SASH1: variants seen among roughly 807,000 people sequenced by gnomAD.
The protein encoded by SASH1 is SAM and SH3 domain-containing protein 1.
SASH1 carries 44 observed loss-of-function variants against 125.2 expected under a neutral mutation model. That is an observed-to-expected ratio of 0.35 (90% confidence interval 0.28 to 0.45). SASH1 has a LOEUF of 0.45. Ranked by LOEUF, SASH1 falls within the 20% of genes least tolerant of loss-of-function variation. The pLI, the probability that SASH1 is intolerant of heterozygous loss-of-function variation, is 1.00. For missense variants in SASH1, 1,426 were observed against 1,614.5 expected (o/e 0.88, Z 2.00); for synonymous variants, 639 against 649.1 (o/e 0.98, Z 0.24).
At chr6:148,381,626 T>C (rs901063298) in intron 1 of SASH1, among the ~76,000 whole-genome samples, 3 of 114,576 alleles carry the variant, frequency 2.6e-5, no homozygotes, top group African/African-American at 3.7e-5. Flanking sequence ...TCTTTTTTTT[T>C]TTTTTTTTTT....
chr6:148,305,876 G>A (rs1387942656), intron 1 of SASH1, among the ~76,000 whole-genome samples: 1 of 152,112 alleles, frequency 6.6e-6, no homozygotes, highest in Non-Finnish European at 1.5e-5. Flanking sequence ...TGTTAAATCA[G>A]GTACCAGAAC....
rs1463210705 is a variant in SASH1, at chr6:148,443,164, AAAT to A, written c.386+2758_386+2760del. 1.2e-3 allele frequency among the ~76,000 whole-genome samples: 161 copies of A among 129,494 alleles called. 2 individuals are homozygous for A. The highest frequency in any genetic ancestry group is 0.012 in the Middle Eastern group (3 of 254). The allele number at this position is 129,494 out of a possible 152,430, so 85.0% of individuals were successfully genotyped here. On this transcript the variant is annotated intron_variant, in intron 4 of 19. Transcript: ENST00000367467. ...TTTAGAAAAAAAAAAAAAAAAAAAAAAATGGCTCACGGCATGTTGGTGTCACGT... is the reference window on the plus strand; with the variant it reads ...TTTAGAAAAAAAAAAAAAAAAAAAAAGGCTCACGGCATGTTGGTGTCACGT...
intron 2 of SASH1, among the ~76,000 whole-genome samples, chr6:148,436,290 A>G (rs1776288154): frequency 6.6e-6 from 1 of 152,136 alleles, no homozygotes; most frequent in East Asian, 1.9e-4. Flanking sequence ...CAGGAGTTCG[A>G]GACCAGCCTG....
At chr6:148,290,979 G>T (rs797008767) in intron 1 of SASH1, among the ~76,000 whole-genome samples, 9 of 147,526 alleles carry the variant, frequency 6.1e-5, no homozygotes, top group African/African-American at 2.2e-4. Flanking sequence ...CTTAATGCCT[G>T]CATTCTTCCA....
At chr6:148,408,006 G>A (rs983794328) in intron 2 of SASH1, among the ~76,000 whole-genome samples, 1 of 152,056 alleles carries the variant, frequency 6.6e-6, no homozygotes, top group Non-Finnish European at 1.5e-5. Flanking sequence ...GGGAACAGGG[G>A]TTCTAATTTC....
intron 1 of SASH1, among the ~76,000 whole-genome samples, chr6:148,344,451 C>T (rs995445705): frequency 5.3e-5 from 8 of 152,140 alleles, no homozygotes; most frequent in African/African-American, 1.9e-4. Flanking sequence ...CCCAGTTACT[C>T]CATTTTCAGG....
chr6:148,249,474 C>A, the SASH1 span, among the ~76,000 whole-genome samples: 44 of 152,204 alleles, frequency 2.9e-4, no homozygotes, highest in Non-Finnish European at 5.0e-4. Flanking sequence ...GTGTTCAATG[C>A]TTCTAGGAGC....
chr6:148,303,681 A>G (rs1385276414), intron 1 of SASH1, among the ~76,000 whole-genome samples: 3 of 151,458 alleles, frequency 2.0e-5, no homozygotes, highest in Admixed American at 1.3e-4. Context: ...CATAATCCCA[A>G]CTACTCAGGA....
intron 1 of SASH1, among the ~76,000 whole-genome samples, chr6:148,322,917 T>TATTTCTTTCTTTCTTTCTTC (rs1452245077): frequency 7.9e-6 from 1 of 126,032 alleles, no homozygotes; most frequent in African/African-American, 2.9e-5. Flanking sequence ...TTTCTTTCTT[T>TATTTCTTTCTTTCTTTCTTC]TTTCTTTCTC....
chr6:148,410,680 C>T (rs140484767), intron 2 of SASH1, among the ~76,000 whole-genome samples: 1 of 152,256 alleles, frequency 6.6e-6, no homozygotes, highest in East Asian at 1.9e-4. Flanking sequence ...ATAAGTTGCA[C>T]TTAAAGTGAC....
the SASH1 span, among the ~76,000 whole-genome samples, chr6:148,247,471 G>A: frequency 5.3e-5 from 8 of 152,194 alleles, no homozygotes; most frequent in African/African-American, 1.9e-4. Context: ...GGGGACAAGA[G>A]CACCTCCTCT....
intron 1 of SASH1, among the ~76,000 whole-genome samples, chr6:148,389,616 T>G (rs1423573827): frequency 1.3e-5 from 2 of 152,166 alleles, no homozygotes; most frequent in African/African-American, 4.8e-5. Context: ...TCTCTATCGG[T>G]TCCTGAATTC....
chr6:148,514,484 A>G (rs1780328678), intron 9 of SASH1, 28 bp downstream of exon 9: 3 of 1,314,578 alleles, frequency 2.3e-6, no homozygotes, highest in Admixed American at 3.2e-5. Flanking sequence ...AAAAAAAAAA[A>G]AAGGCAGACT....
At chr6:148,259,756 C>T in the SASH1 span, among the ~76,000 whole-genome samples, 14 of 152,176 alleles carry the variant, frequency 9.2e-5, no homozygotes, top group African/African-American at 2.4e-4. Flanking sequence ...TTTTGGATCC[C>T]GCAGATGGTA....
chr6:148,393,385 T>G (rs2114840736), intron 2 of SASH1, among the ~76,000 whole-genome samples: 1 of 152,210 alleles, frequency 6.6e-6, no homozygotes, highest in East Asian at 1.9e-4. Context: ...TTGCCTCAAA[T>G]GATAGTCTGG....
intron 8 of SASH1, chr6:148,513,805 A>G: frequency 1.0e-6 from 1 of 986,198 alleles, no homozygotes; most frequent in South Asian, 4.7e-5. Context: ...AGCCAATGGG[A>G]TGGAAGAGGC....
At chr6:148,313,571 A>G (rs1394507141) in intron 1 of SASH1, among the ~76,000 whole-genome samples, 1 of 152,202 alleles carries the variant, frequency 6.6e-6, no homozygotes, top group African/African-American at 2.4e-5. Flanking sequence ...CTTTGTTTCT[A>G]TAAATACACA....
chr6:148,401,787 G>GA (rs1270221272), intron 2 of SASH1, among the ~76,000 whole-genome samples: 1 of 151,940 alleles, frequency 6.6e-6, no homozygotes, highest in Non-Finnish European at 1.5e-5. Context: ...TGTGTGTGTG[G>GA]GGGGGTGTAT....
intron 2 of SASH1, among the ~76,000 whole-genome samples, chr6:148,393,239 T>A (rs1162372008): frequency 3.1e-5 from 4 of 130,140 alleles, no homozygotes; most frequent in South Asian, 2.5e-4. Context: ...TTTTTTTTTT[T>A]AGCAGAGACA....
Sources: gnomAD v4.1 joint callset for allele counts (sites outside exome capture counted in the v4.1 genomes callset) on GRCh38, gnomAD v4.1.1 for gene constraint, MANE v1.5 for transcripts, NCBI Gene and HGNC (gene_info 2026-07-23, HGNC 2026-07-21) for gene names.